AGAP5: variants seen among roughly 807,000 people sequenced by gnomAD.
The protein encoded by AGAP5 is arf-GAP with GTPase, ANK repeat and PH domain-containing protein 5.
A neutral mutation model predicts 27.7 loss-of-function variants in AGAP5; 8 were observed. That is an observed-to-expected ratio of 0.29 (90% CI 0.17 to 0.52). AGAP5 has a LOEUF of 0.52. Ranked by LOEUF, AGAP5 falls within the 20% of genes least tolerant of loss-of-function variation. The pLI is 0.97. For synonymous variants in AGAP5, 111 were observed against 338.0 expected, an observed-to-expected ratio of 0.33 and a Z score of 7.37; for missense variants, 285 against 880.8, an observed-to-expected ratio of 0.32 and a Z score of 8.56.
chr10:73,682,888 A>ACT (rs2082035016), intron 4 of AGAP5, 94 bp from the exon 5 acceptor site: 1 of 886,464 alleles, frequency 1.1e-6, no homozygotes, highest in Non-Finnish European at 1.7e-6. Flanking sequence ...TATGTCTTAC[A>ACT]CTCCATGAAC....
rs756233105 is a variant in AGAP5, at chr10:73,694,811, G to A, written c.293-7C>T. 2.5e-6 allele frequency: 4 copies of A among 1,597,560 alleles called. No homozygotes were observed. The highest frequency in any genetic ancestry group is 1.1e-5 in the South Asian group (1 of 90,800). ...GAAGGGTTAAACTCCAAAGCTATAT[G>A]CATAGAGGAAGAAAAGAAAAAAAGA... On this transcript the variant is annotated splice_polypyrimidine_tract_variant and splice_region_variant and intron_variant, in intron 2 of 7. Coordinates refer to ENST00000374094, the MANE Select transcript of AGAP5 (RefSeq NM_001144000.4).
chr10:73,693,698 CAAAA>C (rs200725473), intron 3 of AGAP5, among the ~76,000 whole-genome samples: 3 of 103,406 alleles, frequency 2.9e-5, no homozygotes, highest in Non-Finnish European at 6.2e-5. Flanking sequence ...GACTCCATTT[CAAAA>C]AAAAAAAAAA....
At position 73,694,733 on chromosome 10, in the gene AGAP5, C is replaced by A; in HGVS notation, c.361+3G>T. On this transcript the variant is annotated splice_donor_region_variant and intron_variant, in intron 3 of 7. Coordinates refer to ENST00000374094, the MANE Select transcript of AGAP5 (RefSeq NM_001144000.4). Reference sequence around the variant, plus strand: ...CTTGGCGGAAAAAACAATGTTGTCTCACCATCTGTTTGAGAGTTCCTCTGG... The same window carrying A: ...CTTGGCGGAAAAAACAATGTTGTCTAACCATCTGTTTGAGAGTTCCTCTGG... The A allele has an allele frequency of 6.3e-7, 1 of 1,597,504 alleles. No homozygotes were observed. The highest frequency in any genetic ancestry group is 2.2e-5 in the East Asian group (1 of 44,844).
intron 4 of AGAP5, among the ~76,000 whole-genome samples, chr10:73,687,357 C>G (rs2082073743): frequency 6.6e-6 from 1 of 152,152 alleles, no homozygotes; most frequent in Admixed American, 6.5e-5. Flanking sequence ...TGAGCTCAAG[C>G]GATCCTCTGC....
In AGAP5 at chr10:73,697,273, A is replaced by G. The variant is rs2082168642; in HGVS notation, c.224-110T>C. ...ACAAGAGCCATAAATAAATGGTCCCATGCCAGCCTGGGAGAATGAGATGAG... is the reference window on the plus strand; with the variant it reads ...ACAAGAGCCATAAATAAATGGTCCCGTGCCAGCCTGGGAGAATGAGATGAG... On this transcript the variant is annotated intron_variant, in intron 1 of 7. Transcript: ENST00000374094. 2.6e-6 allele frequency: 4 copies of G among 1,522,964 alleles called. No homozygotes were observed. The Admixed American group carries it at 5.8e-5, about 22-fold the overall frequency. The allele number at this position is 1,522,964 out of a possible 1,614,324, so 94.3% of individuals were successfully genotyped here.
chr10:73,682,051 GAA>G (rs2082028567), intron 5 of AGAP5: 2 of 983,812 alleles, frequency 2.0e-6, no homozygotes. Context: ...TTTACAGAAT[GAA>G]AAGTTAAATT....
In AGAP5 at chr10:73,675,125, C is replaced by T. The variant is rs555816905; in HGVS notation, c.1535G>A (p.Arg512His). The T allele has an allele frequency of 3.2e-3, 5,069 of 1,594,912 alleles. 146 individuals are homozygous for T. In the African/African-American group the frequency reaches 0.059, roughly 19 times the overall value. ...CSGIHRSLGTRLSRVRSLELD... is the reference protein window; with the variant it reads ...CSGIHRSLGTHLSRVRSLELD... ...CTCCAGAGATCGCACACGGGAAAGG[C>T]GGGTGCCAAGACTGCGGTGGATTCC... The change falls in exon 8 of 8, where the codon CGC (arginine) becomes CAC (histidine). Residue 512 changes from arginine to histidine, a missense_variant. Physicochemically the swap from Arg to His is conservative, Grantham distance 29. Transcript: ENST00000374094.
At chr10:73,677,648 GTGC>G (rs2081991426) in intron 6 of AGAP5, among the ~76,000 whole-genome samples, 2 of 152,218 alleles carry the variant, frequency 1.3e-5, no homozygotes, top group Admixed American at 1.3e-4. Context: ...GGCCTCCAAA[GTGC>G]TGGGATTACA....
At chr10:73,679,248 C>T (rs1489546361) in intron 6 of AGAP5, among the ~76,000 whole-genome samples, 8 of 151,478 alleles carry the variant, frequency 5.3e-5, no homozygotes, top group African/African-American at 1.2e-4. Flanking sequence ...CTGCAACCTC[C>T]GCCTCCCAAG....
At chr10:73,676,977 T>C (rs1404022874) in intron 6 of AGAP5, among the ~76,000 whole-genome samples, 1 of 152,180 alleles carries the variant, frequency 6.6e-6, no homozygotes, top group Non-Finnish European at 1.5e-5. Flanking sequence ...GCCTTTTATA[T>C]GATAACCAGT....
At chr10:73,692,633 A>ATTTTT (rs71021562) in intron 3 of AGAP5, among the ~76,000 whole-genome samples, 4 of 77,018 alleles carry the variant, frequency 5.2e-5, no homozygotes, top group African/African-American at 1.4e-4. Context: ...CCTATCTTAA[A>ATTTTT]TTTTTTTTTT....
rs1183289791 is a variant in AGAP5 at position 73,675,543 on chromosome 10, C to T, written c.1117G>A (p.Asp373Asn). The T allele has an allele frequency of 3.1e-6, 5 of 1,614,124 alleles. No individual in the cohort carries two copies. In the South Asian group the frequency reaches 3.3e-5, roughly 11 times the overall value. The change falls in exon 8 of 8, where the codon GAC becomes AAC. Residue 373 changes from aspartate to asparagine, a missense_variant. Physicochemically the swap from Asp to Asn is conservative, Grantham distance 23. Transcript: ENST00000374094. ...LSKDMDTGLG[D>N]SICFSPSISS... ...ATACTGGGGCTGAAGCATATGGAGT[C>T]ACCCAGCCCGGTGTCCATGTCCTTG...
intron 2 of AGAP5, among the ~76,000 whole-genome samples, chr10:73,696,406 A>C (rs564752841): frequency 1.4e-4 from 22 of 152,348 alleles, no homozygotes; most frequent in Admixed American, 1.2e-3. Flanking sequence ...ACACTCTTAC[A>C]GGGAAGGTCT....
chr10:73,691,557 A>C (rs919633277), intron 4 of AGAP5, among the ~76,000 whole-genome samples: 61 of 145,728 alleles, frequency 4.2e-4, no homozygotes, highest in Non-Finnish European at 8.5e-4. Flanking sequence ...CAATGGCGCG[A>C]TCTTGGCTCA....
At chr10:73,688,358 A>C (rs2082082036) in intron 4 of AGAP5, among the ~76,000 whole-genome samples, 1 of 152,166 alleles carries the variant, frequency 6.6e-6, no homozygotes, top group African/African-American at 2.4e-5. Flanking sequence ...CAGGCTTCTA[A>C]GGCCTCACAC....
intron 4 of AGAP5, among the ~76,000 whole-genome samples, chr10:73,689,112 G>A (rs1053619893): frequency 5.9e-5 from 9 of 152,162 alleles, no homozygotes; most frequent in African/African-American, 9.7e-5. Flanking sequence ...TCAGCCTGCC[G>A]AGTGCCTGCG....
At chr10:73,687,437 T>C (rs575309591) in intron 4 of AGAP5, among the ~76,000 whole-genome samples, 5 of 152,186 alleles carry the variant, frequency 3.3e-5, no homozygotes, top group Admixed American at 1.3e-4. Context: ...ATTTAACCTT[T>C]TTGTAGACAT....
chr10:73,676,629 G>A lies in AGAP5; in HGVS notation c.585+90C>T. The A allele has an allele frequency of 4.6e-6, 3 of 649,874 alleles. 1 individual carries two copies. The highest frequency in any genetic ancestry group is 8.2e-6 in the Non-Finnish European group (3 of 367,728). 40.3% of individuals were successfully genotyped at this position (649,874 alleles called of 1,614,324 possible). ...GATGACTAAATGCAACATGAAATGG[G>A]GAAGATTTAAAAAAAGATGGCTTTG... is the stretch of plus-strand genomic sequence containing the variant. On this transcript the variant is annotated intron_variant, in intron 7 of 7. Coordinates refer to ENST00000374094, the MANE Select transcript of AGAP5 (RefSeq NM_001144000.4).
chr10:73,689,892 G>A (rs1410473938), intron 4 of AGAP5, among the ~76,000 whole-genome samples: 9 of 150,456 alleles, frequency 6.0e-5, no homozygotes, highest in Admixed American at 1.3e-4. Flanking sequence ...CAGCCGCCCC[G>A]TCCGGGAGGT....
Sources: allele counts gnomAD v4.1 joint callset (sites outside exome capture counted in the v4.1 genomes callset), GRCh38; gene constraint gnomAD v4.1.1; transcripts MANE v1.5; gene names NCBI Gene and HGNC (gene_info 2026-07-23, HGNC 2026-07-21).